The following EIPR1 variants were observed in gnomAD, a reference collection of about 807,000 sequenced individuals.
EIPR1 encodes EARP complex and GARP complex interacting protein 1.
A neutral mutation model predicts 48.1 loss-of-function variants in EIPR1; 25 were observed. The ratio of observed to expected loss-of-function variants is 0.52; its 90% CI spans 0.38 to 0.73. The LOEUF (loss-of-function observed/expected upper bound fraction) is 0.73, where lower values mean the gene tolerates loss of function less well. EIPR1 is among the 30% of genes least tolerant of loss of function. EIPR1 has a pLI of 0.00. For missense variants in EIPR1, 415 were observed against 506.2 expected (o/e 0.82, Z 1.73); for synonymous variants, 204 against 201.9 (o/e 1.01, Z -0.09).
intron 4 of EIPR1, among the ~76,000 whole-genome samples, chr2:3,219,487 A>ATG (rs1169249767): frequency 1.7e-4 from 21 of 121,106 alleles, no homozygotes; most frequent in Admixed American, 8.6e-5. Context: ...CACCCAATAC[A>ATG]GCCCTGATAT....
chr2:3,353,429 C>A (rs1309619648), intron 2 of EIPR1: 4 of 406,414 alleles, frequency 9.8e-6, no homozygotes, highest in Non-Finnish European at 2.0e-5. Context: ...CTTAAGTTGT[C>A]ATGTTTCTTA....
chr2:3,360,120 G>T (rs1010822338), intron 1 of EIPR1, among the ~76,000 whole-genome samples: 28 of 151,384 alleles, frequency 1.8e-4, no homozygotes, highest in African/African-American at 6.5e-4. Flanking sequence ...AGGCCAAGGC[G>T]AGTCTAGGCA....
At chr2:3,232,614 T>C (rs1255399966) in intron 4 of EIPR1, among the ~76,000 whole-genome samples, 1 of 152,204 alleles carries the variant, frequency 6.6e-6, no homozygotes, top group Non-Finnish European at 1.5e-5. Context: ...CATCCGTCTT[T>C]TGCCTGCTTC....
At position 3,199,073 on chromosome 2, in the gene EIPR1, C is replaced by T. The variant is rs1404034083; in HGVS notation, c.517-2056G>A. On this transcript the variant is annotated intron_variant, in intron 5 of 8. Transcript: ENST00000382125. ...GCCATTTTAGAGGGCCCCCCCCCCGCCCCGGGAATGCATTCTTTTCCCGGG... is the reference window on the plus strand; with the variant it reads ...GCCATTTTAGAGGGCCCCCCCCCCGTCCCGGGAATGCATTCTTTTCCCGGG... Among the ~76,000 whole-genome samples, 4 of 64,972 alleles carry T rather than the reference C, an allele frequency of 6.2e-5. 1 individual carries two copies. The highest frequency in any genetic ancestry group is 2.1e-4 in the African/African-American group (4 of 19,258). 42.6% of individuals were successfully genotyped at this position (64,972 alleles called of 152,430 possible).
chr2:3,281,481 A>G (rs1668009657), intron 3 of EIPR1, among the ~76,000 whole-genome samples: 1 of 152,162 alleles, frequency 6.6e-6, no homozygotes, highest in South Asian at 2.1e-4. Context: ...CGATGGAAAA[A>G]GGCACATAAA....
At chr2:3,197,065 T>A (rs779501663) in intron 5 of EIPR1, 48 bp from the exon 6 acceptor site, 2 of 1,606,210 alleles carry the variant, frequency 1.2e-6, no homozygotes, top group Non-Finnish European at 1.7e-6. Context: ...AGAAGAAGAA[T>A]GTGAAGTCTG....
chr2:3,317,933 TG>T (rs1268911549), intron 3 of EIPR1, among the ~76,000 whole-genome samples: 1 of 152,250 alleles, frequency 6.6e-6, no homozygotes, highest in Non-Finnish European at 1.5e-5. Context: ...TTCTGTTGCC[TG>T]GGCCACCCAG....
chr2:3,294,813 C>G (rs1399973452), intron 3 of EIPR1, among the ~76,000 whole-genome samples: 1 of 141,886 alleles, frequency 7.0e-6, no homozygotes, highest in Non-Finnish European at 1.5e-5. Context: ...CCCATCCTCT[C>G]TCCACACACC....
chr2:3,359,028 G>A (rs532680007), intron 1 of EIPR1, among the ~76,000 whole-genome samples: 7 of 152,350 alleles, frequency 4.6e-5, no homozygotes, highest in South Asian at 2.1e-4. Flanking sequence ...AAAGAGGTAT[G>A]AGGTGCCACC....
chr2:3,364,614 G>C (rs796783688), intron 1 of EIPR1, among the ~76,000 whole-genome samples: 4 of 150,732 alleles, frequency 2.7e-5, no homozygotes, highest in African/African-American at 9.8e-5. Flanking sequence ...CAGCCTGGGT[G>C]ACAGAGTGAG....
chr2:3,281,615 G>A (rs977878794), intron 3 of EIPR1, among the ~76,000 whole-genome samples: 11 of 152,296 alleles, frequency 7.2e-5, no homozygotes, highest in South Asian at 4.1e-4. Flanking sequence ...ACAGGAACGC[G>A]TGCCTGGAAG....
intron 1 of EIPR1, among the ~76,000 whole-genome samples, chr2:3,371,704 C>T (rs1463306244): frequency 7.9e-5 from 12 of 152,150 alleles, no homozygotes; most frequent in African/African-American, 1.7e-4. Flanking sequence ...TATATGCACC[C>T]AATACAGGAG....
intron 4 of EIPR1, among the ~76,000 whole-genome samples, chr2:3,243,137 A>G (rs1376267216): frequency 2.0e-5 from 3 of 152,236 alleles, no homozygotes; most frequent in South Asian, 2.1e-4. Context: ...GGACAAACAT[A>G]TAGCTCCATC....
chr2:3,208,831 G>C, intron 5 of EIPR1: 1 of 1,548,836 alleles, frequency 6.5e-7, no homozygotes, highest in Non-Finnish European at 8.7e-7. Context: ...CGTGGCAGGT[G>C]CAGGTGTCTG....
At chr2:3,287,302 C>T (rs62121503) in intron 3 of EIPR1, among the ~76,000 whole-genome samples, 8,581 of 83,548 alleles carry the variant, frequency 0.1, 284 homozygotes, top group Non-Finnish European at 0.11. Flanking sequence ...GTTCACCACA[C>T]TCCAGAAAGC....
intron 4 of EIPR1, among the ~76,000 whole-genome samples, chr2:3,243,943 G>C (rs1301970731): frequency 6.6e-6 from 1 of 152,210 alleles, no homozygotes; most frequent in Non-Finnish European, 1.5e-5. Context: ...AGCACAGGCA[G>C]GGCTCAGAAT....
At chr2:3,332,125 G>A (rs1189724799) in intron 3 of EIPR1, among the ~76,000 whole-genome samples, 3 of 152,180 alleles carry the variant, frequency 2.0e-5, no homozygotes, top group Non-Finnish European at 2.9e-5. Flanking sequence ...GCAGGCCCAC[G>A]TGGTGTACCC....
intron 3 of EIPR1, among the ~76,000 whole-genome samples, chr2:3,306,661 G>A (rs951935941): frequency 6.6e-6 from 1 of 152,160 alleles, no homozygotes; most frequent in African/African-American, 2.4e-5. Context: ...AAGATCATAA[G>A]GAAGAGAAAA....
intron 4 of EIPR1, among the ~76,000 whole-genome samples, chr2:3,235,427 C>A (rs1311440777): frequency 5.6e-5 from 6 of 107,884 alleles, no homozygotes; most frequent in Non-Finnish European, 1.2e-4. Context: ...GGTGCGCACA[C>A]ACACACACAC....
Sources: gnomAD v4.1 joint callset for allele counts (sites outside exome capture counted in the v4.1 genomes callset) on GRCh38, gnomAD v4.1.1 for gene constraint, MANE v1.5 for transcripts, NCBI Gene and HGNC (gene_info 2026-07-23, HGNC 2026-07-21) for gene names.